CSMD1: variants seen among roughly 807,000 people sequenced by gnomAD.
The protein encoded by CSMD1 is CUB and sushi domain-containing protein 1.
A neutral mutation model predicts 417.5 loss-of-function variants in CSMD1; 213 were observed. The ratio of observed to expected loss-of-function variants is 0.51; its 90% confidence interval spans 0.46 to 0.57. The LOEUF (loss-of-function observed/expected upper bound fraction) is 0.57. Among genes scored for constraint, CSMD1 ranks in the 20% least tolerant of loss-of-function variants. CSMD1 has a pLI of 0.00. For synonymous variants in CSMD1, 2,862 were observed against 1,736.8 expected (o/e 1.65, Z -16.11); for missense variants, 6,923 against 4,529.7 (o/e 1.53, Z -15.17).
chr8:4,039,501 G>C (rs1797779318), intron 3 of CSMD1, among the ~76,000 whole-genome samples: 1 of 152,110 alleles, frequency 6.6e-6, no homozygotes, highest in African/African-American at 2.4e-5. Flanking sequence ...GAGCCAATCT[G>C]TAAAAGGAGA....
In CSMD1 at chr8:4,312,042, T is replaced by C. The variant is rs141048477; in HGVS notation, c.415+107911A>G. On this transcript the variant is annotated intron_variant, in intron 3 of 69. Transcript: ENST00000635120. ...AAATTATTATAGTGTGTTGAAATCATTGTCATTTCTAGCTAGTAAAGAAAT... is the reference window on the plus strand; with the variant it reads ...AAATTATTATAGTGTGTTGAAATCACTGTCATTTCTAGCTAGTAAAGAAAT... Among the ~76,000 whole-genome samples the C allele has an allele frequency of 1.5e-3, 224 of 152,272 alleles. 2 individuals are homozygous for C. The highest frequency in any genetic ancestry group is 4.8e-3 in the African/African-American group (198 of 41,556).
At chr8:4,814,557 C>T (rs971487558) in intron 1 of CSMD1, among the ~76,000 whole-genome samples, 2 of 151,938 alleles carry the variant, frequency 1.3e-5, no homozygotes, top group Non-Finnish European at 2.9e-5. Context: ...TAATTATAGC[C>T]CAGAATAATG....
At chr8:3,417,984 T>C (rs541405510) in intron 12 of CSMD1, among the ~76,000 whole-genome samples, 1 of 152,348 alleles carries the variant, frequency 6.6e-6, no homozygotes, top group Admixed American at 6.5e-5. Flanking sequence ...ATCAGTGACA[T>C]AAGCCCAGAA....
chr8:4,740,129 A>T (rs1810511949), intron 1 of CSMD1, among the ~76,000 whole-genome samples: 1 of 152,028 alleles, frequency 6.6e-6, no homozygotes, highest in Non-Finnish European at 1.5e-5. Flanking sequence ...CTCCATCATA[A>T]TTCCCTCCCT....
chr8:3,589,654 A>G (rs1378401556), intron 8 of CSMD1, among the ~76,000 whole-genome samples: 1 of 152,250 alleles, frequency 6.6e-6, no homozygotes, highest in South Asian at 2.1e-4. Flanking sequence ...AATTTCACTT[A>G]GGAGAAATAA....
chr8:4,663,493 G>A (rs577283462), intron 1 of CSMD1, among the ~76,000 whole-genome samples: 2 of 152,212 alleles, frequency 1.3e-5, no homozygotes, highest in South Asian at 2.1e-4. Flanking sequence ...TGAATCATGG[G>A]CACAGATATT....
intron 1 of CSMD1, among the ~76,000 whole-genome samples, chr8:4,743,390 T>C (rs1414634090): frequency 6.6e-6 from 1 of 152,182 alleles, no homozygotes; most frequent in African/African-American, 2.4e-5. Context: ...ATTATCATCA[T>C]GAAACACAGG....
At chr8:3,525,899 A>G (rs958669355) in intron 10 of CSMD1, among the ~76,000 whole-genome samples, 34 of 152,178 alleles carry the variant, frequency 2.2e-4, no homozygotes, top group African/African-American at 8.0e-4. Flanking sequence ...AAGACAGCCA[A>G]CTGGGCACCT....
At position 4,261,864 on chromosome 8, in the gene CSMD1, A is replaced by T. The variant is rs897429682; in HGVS notation, c.415+158089T>A. Among the ~76,000 whole-genome samples, 15 of 152,236 alleles carry T rather than the reference A, an allele frequency of 9.9e-5. No homozygotes were observed. In the East Asian group the frequency reaches 2.9e-3, roughly 29 times the overall value. On this transcript the variant is annotated intron_variant, in intron 3 of 69. Coordinates refer to ENST00000635120, the MANE Select transcript of CSMD1 (RefSeq NM_033225.6). ...AGATTTTGTTCATTATACCCTAATG[A>T]AACTAGACAAAATGTGTTAAAAAGT...
chr8:4,399,752 G>A (rs144081902), intron 3 of CSMD1, among the ~76,000 whole-genome samples: 81 of 152,260 alleles, frequency 5.3e-4, no homozygotes, highest in African/African-American at 1.9e-3. Flanking sequence ...TTATACATCA[G>A]GCTCCTGAAT....
intron 1 of CSMD1, among the ~76,000 whole-genome samples, chr8:4,718,903 C>G (rs1262516891): frequency 2.0e-5 from 3 of 151,784 alleles, no homozygotes; most frequent in South Asian, 2.1e-4. Flanking sequence ...AACTCTATGA[C>G]ATTGTATTAA....
chr8:3,957,898 C>T (rs1306610643), intron 5 of CSMD1, among the ~76,000 whole-genome samples: 1 of 152,160 alleles, frequency 6.6e-6, no homozygotes, highest in Admixed American at 6.5e-5. Flanking sequence ...GTATAATAAT[C>T]TCCTTTGTTT....
At chr8:4,622,955 A>C (rs1190645907) in intron 2 of CSMD1, among the ~76,000 whole-genome samples, 3 of 152,194 alleles carry the variant, frequency 2.0e-5, no homozygotes, top group Non-Finnish European at 4.4e-5. Flanking sequence ...GTTAAATTCA[A>C]AGTTTTTTAT....
At chr8:3,135,296 C>G (rs938492718) in intron 41 of CSMD1, among the ~76,000 whole-genome samples, 2 of 152,240 alleles carry the variant, frequency 1.3e-5, no homozygotes, top group African/African-American at 2.4e-5. Context: ...AAATCTCTTG[C>G]ATACAAATAC....
At chr8:4,948,829 T>A (rs1585389333) in intron 1 of CSMD1, among the ~76,000 whole-genome samples, 1 of 152,102 alleles carries the variant, frequency 6.6e-6, no homozygotes, top group Non-Finnish European at 1.5e-5. Context: ...AGCTGCAGCA[T>A]AAGGATTTTT....
intron 3 of CSMD1, among the ~76,000 whole-genome samples, chr8:4,186,988 A>T (rs183727738): frequency 0.016 from 2,426 of 152,300 alleles, 32 homozygotes; most frequent in Non-Finnish European, 0.027. Flanking sequence ...TCTCAAAAAA[A>T]TATAAATAAA....
chr8:4,627,633 G>A (rs907424367), intron 2 of CSMD1, among the ~76,000 whole-genome samples: 4 of 151,980 alleles, frequency 2.6e-5, no homozygotes, highest in Admixed American at 6.6e-5. Context: ...CTGACACGAT[G>A]CCCAACATCA....
chr8:3,611,235 A>G (rs888984096), intron 8 of CSMD1, among the ~76,000 whole-genome samples: 1 of 131,776 alleles, frequency 7.6e-6, no homozygotes, highest in Non-Finnish European at 1.7e-5. Flanking sequence ...AAGTATAATA[A>G]TAATAAAGTT....
intron 3 of CSMD1, among the ~76,000 whole-genome samples, chr8:4,404,978 G>T (rs959654187): frequency 2.6e-5 from 4 of 152,196 alleles, no homozygotes; most frequent in African/African-American, 9.7e-5. Flanking sequence ...GGCACAAGAG[G>T]ATTAGTCATT....
Sources: allele counts gnomAD v4.1 joint callset (sites outside exome capture counted in the v4.1 genomes callset), GRCh38; gene constraint gnomAD v4.1.1; transcripts MANE v1.5; gene names NCBI Gene and HGNC (gene_info 2026-07-23, HGNC 2026-07-21).